NCOA1: variants seen among roughly 807,000 people sequenced by gnomAD.
NCOA1 encodes Hin-2 protein.
In NCOA1, 35 loss-of-function variants were observed where a neutral mutation model predicts 150.9. The observed-to-expected ratio is 0.23, with a 90% confidence interval of 0.18 to 0.31. The LOEUF is 0.31. Ranked by LOEUF, NCOA1 falls within the 10% of genes least tolerant of loss-of-function variation. The pLI is 1.00. For missense variants in NCOA1, 1,491 were observed against 1,749.3 expected (o/e 0.85, Z 2.63); for synonymous variants, 590 against 630.0 (o/e 0.94, Z 0.95).
intron 20 of NCOA1, among the ~76,000 whole-genome samples, chr2:24,754,733 A>G (rs542551325): frequency 7.4e-4 from 113 of 152,326 alleles, no homozygotes; most frequent in African/African-American, 2.7e-3. Flanking sequence ...TTCTCCATCT[A>G]GAATATGAGC....
At chr2:24,708,435 T>C (rs926168931) in intron 13 of NCOA1, among the ~76,000 whole-genome samples, 1 of 152,214 alleles carries the variant, frequency 6.6e-6, no homozygotes, top group Admixed American at 6.5e-5. Flanking sequence ...ATTGCCCTTA[T>C]GTAACATGAC....
intron 17 of NCOA1, among the ~76,000 whole-genome samples, chr2:24,731,037 C>CAAAAAAAAA (rs202108180): frequency 1.6e-5 from 1 of 61,478 alleles, no homozygotes; most frequent in African/African-American, 6.0e-5. Flanking sequence ...GACTCTGTCT[C>CAAAAAAAAA]AAAAAAAAAA....
At chr2:24,642,037 T>TGTGTGTGCGCGC (rs942145000) in intron 3 of NCOA1, among the ~76,000 whole-genome samples, 39 of 138,554 alleles carry the variant, frequency 2.8e-4, no homozygotes, top group Middle Eastern at 3.6e-3. Context: ...TGTGTGTGTG[T>TGTGTGTGCGCGC]GCGCGCGTGC....
chr2:24,518,391 A>T (rs577211465), intron 1 of NCOA1, among the ~76,000 whole-genome samples: 1 of 152,164 alleles, frequency 6.6e-6, no homozygotes, highest in Admixed American at 6.5e-5. Flanking sequence ...ATTATACTTA[A>T]TGACGAAAGA....
At chr2:24,656,281 C>G (rs1013037673) in intron 4 of NCOA1, among the ~76,000 whole-genome samples, 33 of 152,120 alleles carry the variant, frequency 2.2e-4, no homozygotes, top group Non-Finnish European at 2.6e-4. Flanking sequence ...CAAAGTTTTT[C>G]TGGCCCCAAA....
chr2:24,746,285 G>A (rs1272460657), intron 19 of NCOA1, among the ~76,000 whole-genome samples: 2 of 152,240 alleles, frequency 1.3e-5, no homozygotes, highest in African/African-American at 2.4e-5. Context: ...GCTCACGCCT[G>A]TAATGCCAGC....
chr2:24,522,310 A>G (rs1664450581), intron 1 of NCOA1, among the ~76,000 whole-genome samples: 1 of 152,156 alleles, frequency 6.6e-6, no homozygotes, highest in South Asian at 2.1e-4. Context: ...AATTTATTAA[A>G]CAATTTCTTA....
chr2:24,594,667 G>GA (rs1667816750), intron 3 of NCOA1, among the ~76,000 whole-genome samples: 1 of 152,074 alleles, frequency 6.6e-6, no homozygotes, highest in Admixed American at 6.6e-5. Flanking sequence ...CTAAAGAATT[G>GA]TGTAATTGTT....
chr2:24,749,649 C>G (rs2148675472), intron 19 of NCOA1, among the ~76,000 whole-genome samples: 1 of 152,140 alleles, frequency 6.6e-6, no homozygotes, highest in Middle Eastern at 3.4e-3. Flanking sequence ...GGCACAAGAC[C>G]TAAAAGAATT....
intron 1 of NCOA1, among the ~76,000 whole-genome samples, chr2:24,516,256 G>A (rs1306577950): frequency 2.2e-5 from 3 of 135,674 alleles, no homozygotes; most frequent in Admixed American, 1.6e-4. Flanking sequence ...GCAGTGGCAC[G>A]ATCTCGGCCC....
chr2:24,710,339 G>A (rs1311494427), intron 13 of NCOA1, among the ~76,000 whole-genome samples: 1 of 152,008 alleles, frequency 6.6e-6, no homozygotes, highest in Admixed American at 6.5e-5. Context: ...TGATCCACCC[G>A]CCTCAGCCTC....
At chr2:24,632,305 C>T (rs1669742570) in intron 3 of NCOA1, among the ~76,000 whole-genome samples, 1 of 152,014 alleles carries the variant, frequency 6.6e-6, no homozygotes, top group South Asian at 2.1e-4. Context: ...TCAAAAGGCT[C>T]GGATAGTAGT....
chr2:24,602,447 T>C (rs1036650055), intron 3 of NCOA1, among the ~76,000 whole-genome samples: 8 of 152,150 alleles, frequency 5.3e-5, no homozygotes, highest in African/African-American at 1.9e-4. Context: ...GCAATCTGCC[T>C]ACCTCAGCCT....
At chr2:24,673,314 T>C (rs369506368) in intron 6 of NCOA1, 52 bp from the exon 7 acceptor site, 5 of 1,290,130 alleles carry the variant, frequency 3.9e-6, no homozygotes, top group Non-Finnish European at 5.3e-6. Flanking sequence ...CTTGACTTTA[T>C]GGAAATAAGC....
In NCOA1 at chr2:24,491,591, C is replaced by T. The variant is rs1022481520; in HGVS notation, c.-407C>T. 2.7e-5 allele frequency among the ~76,000 whole-genome samples: 4 copies of T among 149,770 alleles called. No individual in the cohort carries two copies. The highest frequency in any genetic ancestry group is 4.2e-4 in the South Asian group (2 of 4,806). ...GGCGCCGGTGAGCGGGGCCCAGAGG[C>T]GGCGGCGGCAGGTGAGTGGCGGGCT... On this transcript the variant is annotated 5_prime_UTR_variant, in exon 1 of 23. Transcript: ENST00000348332.
intron 1 of NCOA1, among the ~76,000 whole-genome samples, chr2:24,535,234 G>A (rs1665075510): frequency 6.6e-6 from 1 of 151,862 alleles, no homozygotes; most frequent in South Asian, 2.1e-4. Context: ...GATCTTTGTT[G>A]GTTTAAAGTC....
intron 1 of NCOA1, among the ~76,000 whole-genome samples, chr2:24,560,741 C>CT (rs1572420118): frequency 6.6e-6 from 1 of 152,208 alleles, no homozygotes; most frequent in African/African-American, 2.4e-5. Context: ...GATTGGGCAG[C>CT]TTTAAGATTT....
At chr2:24,670,232 G>A (rs1671621132) in intron 6 of NCOA1, among the ~76,000 whole-genome samples, 1 of 152,188 alleles carries the variant, frequency 6.6e-6, no homozygotes, top group Admixed American at 6.5e-5. Context: ...GAGCCACGTT[G>A]GAAAACAGTC....
intron 19 of NCOA1, among the ~76,000 whole-genome samples, chr2:24,748,697 C>T (rs1023360984): frequency 2.0e-5 from 3 of 150,856 alleles, no homozygotes; most frequent in African/African-American, 7.3e-5. Flanking sequence ...TAATGATTTT[C>T]TCTTTTTATT....
Sources: allele counts gnomAD v4.1 joint callset (sites outside exome capture counted in the v4.1 genomes callset), GRCh38; gene constraint gnomAD v4.1.1; transcripts MANE v1.5; gene names NCBI Gene and HGNC (gene_info 2026-07-23, HGNC 2026-07-21).